UBQLN1: variants seen among roughly 807,000 people sequenced by gnomAD.
UBQLN1 encodes ubiquilin 1, also known as ubiquilin-1.
In UBQLN1, 13 loss-of-function variants were observed where a neutral mutation model predicts 65.4. That is an observed-to-expected ratio of 0.20 (90% CI 0.13 to 0.32). The LOEUF is 0.32. UBQLN1 is among the 10% of genes least tolerant of loss of function. The pLI is 1.00. For synonymous variants in UBQLN1, 267 were observed against 247.8 expected (o/e 1.08, Z -0.73); for missense variants, 561 against 724.0 (o/e 0.77, Z 2.58).
In UBQLN1 at chr9:83,673,452, C is replaced by A. The variant is rs545661964; in HGVS notation, c.1106-4125G>T. On this transcript the variant is annotated intron_variant, in intron 6 of 10. Transcript: ENST00000376395. ...CCCAGCTACTCAGGAGGCTGAGGCA[C>A]GAGAATCTCTAGAACCTGGGAGGCA... Among the ~76,000 whole-genome samples, 125 of 144,616 alleles carry A rather than the reference C, an allele frequency of 8.6e-4. 1 individual carries two copies. Among genetic ancestry groups the A allele is most frequent in the African/African-American group, 3.2e-3 (124 of 38,990 alleles). 94.9% of individuals were successfully genotyped at this position (144,616 alleles called of 152,430 possible).
Position 83,667,923 on chromosome 9 carries a change from G to C in UBQLN1, c.1248+1262C>G, listed in dbSNP as rs947917847. On this transcript the variant is annotated intron_variant, in intron 7 of 10. Coordinates refer to ENST00000376395, the MANE Select transcript of UBQLN1 (RefSeq NM_013438.5). The stretch of plus-strand genomic sequence containing the variant: ...AGTACTAGCAACATTTTGTTTTAGA[G>C]TAAAAAAATAGTATGTGAGTGCTCA... 5 of 982,810 alleles carry C rather than the reference G, an allele frequency of 5.1e-6. No homozygotes were observed. In the African/African-American group the frequency reaches 8.8e-5, roughly 17 times the overall value. The allele number at this position is 982,810 out of a possible 1,614,324, so 60.9% of individuals were successfully genotyped here.
intron 1 of UBQLN1, among the ~76,000 whole-genome samples, chr9:83,698,591 C>T (rs540905122): frequency 7.9e-5 from 12 of 152,244 alleles, no homozygotes; most frequent in Admixed American, 2.6e-4. Flanking sequence ...GTGGTACATA[C>T]ATATAATGGA....
At chr9:83,684,295 A>G (rs906114829) in intron 2 of UBQLN1, among the ~76,000 whole-genome samples, 2 of 151,694 alleles carry the variant, frequency 1.3e-5, no homozygotes, top group African/African-American at 4.8e-5. Context: ...CCCAGGTTCA[A>G]GCGATTCTCC....
At chr9:83,698,952 C>T (rs1349711182) in intron 1 of UBQLN1, among the ~76,000 whole-genome samples, 1 of 150,308 alleles carries the variant, frequency 6.7e-6, no homozygotes, top group Non-Finnish European at 1.5e-5. Context: ...CATGCTACAA[C>T]ATAAATGAAC....
intron 5 of UBQLN1, 47 bp downstream of exon 5, chr9:83,678,393 TA>T: frequency 6.4e-7 from 1 of 1,563,788 alleles, no homozygotes; most frequent in Middle Eastern, 1.7e-4. Flanking sequence ...ATATTTGTGT[TA>T]AAACAGAAGC....
At chr9:83,668,276 T>C (rs1000331218) in intron 7 of UBQLN1, 3 of 984,540 alleles carry the variant, frequency 3.0e-6, no homozygotes, top group African/African-American at 3.5e-5. Flanking sequence ...AATATAGTTT[T>C]AGAATTTAGA....
intron 1 of UBQLN1, among the ~76,000 whole-genome samples, chr9:83,693,234 A>ACC (rs113438853): frequency 0.08 from 12,133 of 152,206 alleles, 1,568 homozygotes; most frequent in African/African-American, 0.28. Flanking sequence ...ACTTTCAGCA[A>ACC]CCCCATTTTT....
chr9:83,682,199 C>G (rs781606776), intron 3 of UBQLN1, among the ~76,000 whole-genome samples: 2 of 151,942 alleles, frequency 1.3e-5, no homozygotes, highest in African/African-American at 4.8e-5. Flanking sequence ...GCAGAAGAAT[C>G]GCTTGAACCC....
chr9:83,691,064 G>A (rs1832119374), intron 1 of UBQLN1, among the ~76,000 whole-genome samples: 1 of 151,972 alleles, frequency 6.6e-6, no homozygotes, highest in Non-Finnish European at 1.5e-5. Flanking sequence ...CTTGAACCCA[G>A]GAGGCAGAGA....
intron 1 of UBQLN1, among the ~76,000 whole-genome samples, chr9:83,693,276 A>C (rs1423889138): frequency 1.3e-5 from 2 of 152,202 alleles, no homozygotes; most frequent in African/African-American, 2.4e-5. Context: ...GGTGTTGCAC[A>C]TGAGTGGATT....
At chr9:83,705,319 T>G (rs1357940506) in intron 1 of UBQLN1, among the ~76,000 whole-genome samples, 1 of 149,496 alleles carries the variant, frequency 6.7e-6, no homozygotes, top group Non-Finnish European at 1.5e-5. Context: ...CGGCTCACTG[T>G]AACCTCCCTC....
intron 2 of UBQLN1, among the ~76,000 whole-genome samples, chr9:83,685,395 T>C (rs747881776): frequency 3.3e-5 from 5 of 152,214 alleles, no homozygotes; most frequent in Non-Finnish European, 7.3e-5. Flanking sequence ...TCCATACCCA[T>C]GTAAGTCTAA....
intron 7 of UBQLN1, chr9:83,667,743 C>T: frequency 1.0e-6 from 1 of 977,738 alleles, no homozygotes; most frequent in South Asian, 4.7e-5. Context: ...CTTCTTATAA[C>T]TTACCTGAGT....
intron 1 of UBQLN1, among the ~76,000 whole-genome samples, chr9:83,695,485 G>A (rs1166901023): frequency 3.3e-5 from 5 of 152,306 alleles, no homozygotes; most frequent in East Asian, 1.9e-4. Flanking sequence ...GGCGTGAGGC[G>A]CCATGCCCAG....
chr9:83,665,544 A>G (rs375548748), intron 8 of UBQLN1, among the ~76,000 whole-genome samples: 5 of 152,354 alleles, frequency 3.3e-5, no homozygotes, highest in African/African-American at 1.2e-4. Context: ...TGTTACTAAT[A>G]TAACAATTTT....
At chr9:83,671,295 CG>C in intron 6 of UBQLN1, among the ~76,000 whole-genome samples, 1 of 152,302 alleles carries the variant, frequency 6.6e-6, no homozygotes, top group Non-Finnish European at 1.5e-5. Flanking sequence ...GAATTAGGAA[CG>C]TTCTTAATGA....
In UBQLN1 at chr9:83,673,104, C is replaced by T. The variant is rs139859586; in HGVS notation, c.1106-3777G>A. ...AATCAGCTGGGTGTGGTGGTACACA[C>T]CTGTAATCCCAGCTACTGGGGAGGC... On this transcript the variant is annotated intron_variant, in intron 6 of 10. Coordinates refer to ENST00000376395, the MANE Select transcript of UBQLN1 (RefSeq NM_013438.5). Among the ~76,000 whole-genome samples, 1,365 of 151,820 alleles carry T rather than the reference C, an allele frequency of 9.0e-3. 22 individuals are homozygous for T. The highest frequency in any genetic ancestry group is 0.032 in the African/African-American group (1,303 of 41,338).
At chr9:83,685,426 T>C (rs952169478) in intron 2 of UBQLN1, among the ~76,000 whole-genome samples, 3 of 152,196 alleles carry the variant, frequency 2.0e-5, no homozygotes, top group Admixed American at 6.6e-5. Flanking sequence ...TCACTAAGTA[T>C]AAAATAAACA....
intron 6 of UBQLN1, 50 bp downstream of exon 6, chr9:83,677,677 T>C (rs773490182): frequency 6.7e-6 from 9 of 1,349,474 alleles, no homozygotes; most frequent in Middle Eastern, 1.9e-4. Flanking sequence ...ATGTTTTAAT[T>C]ATGTAAATGA....
Sources: gnomAD v4.1 joint callset for allele counts (sites outside exome capture counted in the v4.1 genomes callset) on GRCh38, gnomAD v4.1.1 for gene constraint, MANE v1.5 for transcripts, NCBI Gene and HGNC (gene_info 2026-07-23, HGNC 2026-07-21) for gene names.